The following FOXP1 variants were observed in gnomAD, a reference collection of about 807,000 sequenced individuals.
FOXP1 encodes the protein forkhead box protein P1.
A neutral mutation model predicts 98.2 loss-of-function variants in FOXP1; 15 were observed. That is an observed-to-expected ratio of 0.15 (90% CI 0.10 to 0.24). The LOEUF (loss-of-function observed/expected upper bound fraction) is 0.24, where lower values mean the gene tolerates loss of function less well. Among genes scored for constraint, FOXP1 ranks in the 10% least tolerant of loss-of-function variants. The pLI, the probability that FOXP1 is intolerant of heterozygous loss-of-function variation, is 1.00. For missense variants in FOXP1, 633 were observed against 848.5 expected, an observed-to-expected ratio of 0.75 and a Z score of 3.15; for synonymous variants, 371 against 314.5, an observed-to-expected ratio of 1.18 and a Z score of -1.90.
rs150993907 is a variant in FOXP1, at chr3:71,218,332, C to T, written c.-11-19940G>A. 9.2e-5 allele frequency among the ~76,000 whole-genome samples: 14 copies of T among 152,290 alleles called. No homozygotes were observed. In the East Asian group the frequency reaches 2.7e-3, roughly 29 times the overall value. ...TAAATTCAAAAGAGAGTTTTCAACC[C>T]TTACCTTACTTAAACTTTGATGACA... On this transcript the variant is annotated intron_variant, in intron 5 of 20. Coordinates refer to ENST00000649528, the MANE Select transcript of FOXP1 (RefSeq NM_001349338.3).
At chr3:71,210,362 C>A (rs2064358859) in intron 5 of FOXP1, among the ~76,000 whole-genome samples, 1 of 152,184 alleles carries the variant, frequency 6.6e-6, no homozygotes, top group East Asian at 1.9e-4. Context: ...AAGTCCCTCT[C>A]TGCCAACCAT....
chr3:71,378,866 GT>G (rs1290259064), intron 3 of FOXP1, among the ~76,000 whole-genome samples: 1 of 152,012 alleles, frequency 6.6e-6, no homozygotes, highest in Admixed American at 6.6e-5. Flanking sequence ...ACTATCTGTA[GT>G]TTTAGGCATT....
chr3:71,100,292 T>C (rs995112526), intron 7 of FOXP1, among the ~76,000 whole-genome samples: 3 of 152,258 alleles, frequency 2.0e-5, no homozygotes, highest in Non-Finnish European at 4.4e-5. Context: ...TAATTCTATG[T>C]GGTTCAGACT....
chr3:71,529,563 G>A (rs1365823725), intron 2 of FOXP1, among the ~76,000 whole-genome samples: 2 of 152,212 alleles, frequency 1.3e-5, no homozygotes, highest in African/African-American at 2.4e-5. Flanking sequence ...TTCAGCTCCA[G>A]CCTCTGACCT....
At chr3:71,182,686 T>C (rs1247704862) in intron 6 of FOXP1, among the ~76,000 whole-genome samples, 1 of 151,844 alleles carries the variant, frequency 6.6e-6, no homozygotes, top group Non-Finnish European at 1.5e-5. Flanking sequence ...AGTGCCGCCA[T>C]GCCCAGCTAA....
intron 2 of FOXP1, among the ~76,000 whole-genome samples, chr3:71,503,147 T>C (rs989662570): frequency 5.3e-5 from 8 of 152,168 alleles, no homozygotes; most frequent in African/African-American, 1.2e-4. Flanking sequence ...GCTGTTTACA[T>C]AGAGGCATCA....
At position 71,177,844 on chromosome 3, in the gene FOXP1, T is replaced by TTTC. The variant is rs1163347511; in HGVS notation, c.180+20357_180+20358insGAA. 2.8e-5 allele frequency among the ~76,000 whole-genome samples: 4 copies of TTTC among 143,288 alleles called. 1 individual carries two copies. Among genetic ancestry groups the TTTC allele is most frequent in the African/African-American group, 7.7e-5 (3 of 38,898 alleles). The allele number at this position is 143,288 out of a possible 152,430, so 94.0% of individuals were successfully genotyped here. A position where few individuals can be genotyped will look rare whatever the true frequency, so the allele number is the denominator to read the frequency against. ...TTTATTTTCTTTTCTTTCTTTCTTTTTTTTTTTTTTTTTTTGAGAAAGGGT... is the reference window on the plus strand; with the variant it reads ...TTTATTTTCTTTTCTTTCTTTCTTTTTTCTTTTTTTTTTTTTTTGAGAAAGGGT... On this transcript the variant is annotated intron_variant, in intron 6 of 20. Coordinates refer to ENST00000649528, the MANE Select transcript of FOXP1 (RefSeq NM_001349338.3).
chr3:71,028,756 C>T (rs1010673263), intron 11 of FOXP1, among the ~76,000 whole-genome samples: 7 of 152,136 alleles, frequency 4.6e-5, no homozygotes, highest in African/African-American at 7.2e-5. Context: ...CTCACCCTAA[C>T]GTAGAATCAG....
chr3:71,053,622 G>C lies in FOXP1; in HGVS notation c.420+14C>G. On this transcript the variant is annotated intron_variant, in intron 8 of 20. Coordinates refer to ENST00000649528, the MANE Select transcript of FOXP1 (RefSeq NM_001349338.3). ...CTGGGGGAGACAGGCTGGAGGTGGA[G>C]GAAGGACAATTACCTGTTGAAGCAT... 1 of 1,613,988 alleles carries C rather than the reference G, an allele frequency of 6.2e-7. No individual in the cohort carries two copies. Among genetic ancestry groups the C allele is most frequent in the Non-Finnish European group, 8.5e-7 (1 of 1,179,944 alleles).
intron 11 of FOXP1, among the ~76,000 whole-genome samples, chr3:71,019,783 T>C (rs141054943): frequency 3.2e-4 from 49 of 151,928 alleles, no homozygotes; most frequent in African/African-American, 1.1e-3. Flanking sequence ...GTGAGCCCGA[T>C]TGCACCACTG....
chr3:71,448,283 AC>A (rs2086634619), intron 3 of FOXP1, among the ~76,000 whole-genome samples: 1 of 152,220 alleles, frequency 6.6e-6, no homozygotes, highest in South Asian at 2.1e-4. Flanking sequence ...AAAGAAATGT[AC>A]AAAATCCTGC....
chr3:71,418,069 C>G (rs1433423313), intron 3 of FOXP1, among the ~76,000 whole-genome samples: 2 of 151,600 alleles, frequency 1.3e-5, no homozygotes, highest in African/African-American at 4.9e-5. Flanking sequence ...CCAAATTTGG[C>G]TCACTTATTC....
rs532885639 is a variant in FOXP1, at chr3:71,401,775, T to C, written c.-167-42531A>G. ...GCAACTAAAGACGAGGCTCTCCCCA[T>C]TCAATCAATGAAGCGGGATATCTCT... On this transcript the variant is annotated intron_variant, in intron 3 of 20. Transcript: ENST00000649528. Among the ~76,000 whole-genome samples, 70 of 152,328 alleles carry C rather than the reference T, an allele frequency of 4.6e-4. 1 individual carries two copies. The South Asian group carries it at 0.014, about 31-fold the overall frequency.
At chr3:71,111,292 G>A (rs545178900) in intron 7 of FOXP1, among the ~76,000 whole-genome samples, 2 of 152,266 alleles carry the variant, frequency 1.3e-5, no homozygotes, top group South Asian at 2.1e-4. Context: ...CTTAGGACCC[G>A]GGTGCCAAGT....
At chr3:71,112,956 G>A (rs1010536494) in intron 6 of FOXP1, among the ~76,000 whole-genome samples, 1 of 152,110 alleles carries the variant, frequency 6.6e-6, no homozygotes, top group Non-Finnish European at 1.5e-5. Context: ...GAGAGACCAG[G>A]AGGGACCCAA....
intron 7 of FOXP1, among the ~76,000 whole-genome samples, chr3:71,065,298 T>C (rs539317207): frequency 6.6e-6 from 1 of 152,254 alleles, no homozygotes; most frequent in East Asian, 1.9e-4. Context: ...TTGTTTCGTC[T>C]TTGAGACTGA....
intron 5 of FOXP1, among the ~76,000 whole-genome samples, chr3:71,216,677 G>C (rs928693847): frequency 6.6e-6 from 1 of 151,986 alleles, no homozygotes; most frequent in Admixed American, 6.5e-5. Context: ...GGAATGAGAC[G>C]TACCTTGAGT....
At chr3:71,102,830 TA>T (rs2057084463) in intron 7 of FOXP1, among the ~76,000 whole-genome samples, 1 of 152,148 alleles carries the variant, frequency 6.6e-6, no homozygotes, top group Non-Finnish European at 1.5e-5. Flanking sequence ...GATGAAAGCA[TA>T]GACTCTTGAG....
At chr3:71,074,932 A>C (rs1367028507) in intron 7 of FOXP1, among the ~76,000 whole-genome samples, 2 of 152,206 alleles carry the variant, frequency 1.3e-5, no homozygotes, top group African/African-American at 4.8e-5. Flanking sequence ...CCACTGCTGG[A>C]AAGAGAGACA....
Sources: allele counts gnomAD v4.1 joint callset (sites outside exome capture counted in the v4.1 genomes callset), GRCh38; gene constraint gnomAD v4.1.1; transcripts MANE v1.5; gene names NCBI Gene and HGNC (gene_info 2026-07-23, HGNC 2026-07-21).